CDK20: variants seen among roughly 807,000 people sequenced by gnomAD.
The protein encoded by CDK20 is cyclin dependent kinase 20.
Under a neutral mutation model 38.6 loss-of-function variants are expected in CDK20, and 40 were observed. The ratio of observed to expected loss-of-function variants is 1.04; its 90% CI spans 0.81 to 1.35. CDK20 has a LOEUF of 1.35. Ranked by LOEUF, CDK20 falls within the 40% of genes most tolerant of loss-of-function variation. The probability of loss-of-function intolerance (pLI) is 0.00; values close to 1 mark genes in which losing one functional copy is unlikely to be tolerated. For missense variants in CDK20, 512 were observed against 452.6 expected, an observed-to-expected ratio of 1.13 and a Z score of -1.19; for synonymous variants, 209 against 185.7, an observed-to-expected ratio of 1.13 and a Z score of -1.02.
chr9:87,970,357 A>G (rs1829760033), intron 5 of CDK20: 2 of 556,548 alleles, frequency 3.6e-6, no homozygotes, highest in East Asian at 2.9e-5. Flanking sequence ...TGGGACCACC[A>G]TTCTCATCCC....
intron 6 of CDK20, 91 bp downstream of exon 6, chr9:87,969,705 A>G (rs1829712586): frequency 1.9e-6 from 3 of 1,575,366 alleles, no homozygotes; most frequent in Non-Finnish European, 2.6e-6. Context: ...TGGGGCCAGG[A>G]GAGAGAAGGT....
At chr9:87,974,203 C>A in intron 1 of CDK20, 168 bp from the exon 2 acceptor site, 1 of 1,315,416 alleles carries the variant, frequency 7.6e-7, no homozygotes, top group South Asian at 1.4e-5. Flanking sequence ...GGTAGGGGAC[C>A]AAGCCAGCTG....
At chr9:87,972,615 C>T (rs185429700) in intron 2 of CDK20, among the ~76,000 whole-genome samples, 1 of 152,202 alleles carries the variant, frequency 6.6e-6, no homozygotes, top group Non-Finnish European at 1.5e-5. Flanking sequence ...ACTTAACTTA[C>T]ACTTTTGACA....
rs775836683 is a variant in CDK20, at chr9:87,973,973, G to A, written c.138C>T (p.Asn46=). ...GAGCCTTAATCTCCCGCAGGGCCTG[G>A]TTAGGGAAGCCGTCCTCCAACCGCC... is the stretch of plus-strand genomic sequence containing the variant. The part of the protein sequence containing the change: ...ALRRLEDGFP[N]QALREIKALQ... The change falls in exon 2 of 8, where the codon AAC becomes AAT. Residue 46 remains asparagine, a synonymous_variant. Coordinates refer to ENST00000325303, the MANE Select transcript of CDK20 (RefSeq NM_001039803.3). The A allele has an allele frequency of 8.1e-6, 13 of 1,614,158 alleles. No homozygotes were observed. The Admixed American group carries it at 2.0e-4, about 25-fold the overall frequency.
At chr9:87,967,836 C>T in intron 7 of CDK20, 177 bp from the exon 8 acceptor site, 1 of 563,580 alleles carries the variant, frequency 1.8e-6, no homozygotes, top group South Asian at 3.1e-5. Flanking sequence ...GTTAATAAAA[C>T]AGACAAAAGC....
Position 87,970,613 on chromosome 9 carries a change from T to G in CDK20, c.518A>C (p.Glu173Ala). 6.2e-7 allele frequency: 1 copy of G among 1,613,922 alleles called. No individual in the cohort carries two copies. The highest frequency in any genetic ancestry group is 1.1e-5 in the South Asian group (1 of 91,062). ...QVATRWYRAP[E>A]LLYGARQYDQ... ...ATACTGGCGGGCACCATACAGGAGCTCGGGGGCTCGGTACCACCTGCGAGG... is the reference window on the plus strand; with the variant it reads ...ATACTGGCGGGCACCATACAGGAGCGCGGGGGCTCGGTACCACCTGCGAGG... Residue 173 changes from glutamate to alanine, a missense_variant, in exon 5 of 8, where the codon GAG becomes GCG. By Grantham distance (107) the Glu-to-Ala change is moderately radical. Coordinates refer to ENST00000325303, the MANE Select transcript of CDK20 (RefSeq NM_001039803.3).
At chr9:87,971,985 C>T (rs1829893371) in intron 2 of CDK20, among the ~76,000 whole-genome samples, 1 of 152,208 alleles carries the variant, frequency 6.6e-6, no homozygotes, top group Non-Finnish European at 1.5e-5. Flanking sequence ...GGGCGGATGG[C>T]TTGAACCCAG....
In CDK20 at chr9:87,973,903, C is replaced by G. The variant is rs377436671; in HGVS notation, c.189+19G>C. Reference sequence around the variant, plus strand: ...AGCGACTGAGGGTGAGAATACCATGCCCCCCCTCCCCTACTCACATACTGA... The same window carrying G: ...AGCGACTGAGGGTGAGAATACCATGGCCCCCCTCCCCTACTCACATACTGA... On this transcript the variant is annotated intron_variant, in intron 2 of 7. Coordinates refer to ENST00000325303, the MANE Select transcript of CDK20 (RefSeq NM_001039803.3). 11 of 1,600,058 alleles carry G rather than the reference C, an allele frequency of 6.9e-6. No individual in the cohort carries two copies. Among genetic ancestry groups the G allele is most frequent in the Non-Finnish European group, 9.4e-6 (11 of 1,173,144 alleles).
intron 7 of CDK20, 83 bp from the exon 8 acceptor site, chr9:87,967,742 G>T: frequency 1.7e-6 from 2 of 1,203,630 alleles, no homozygotes; most frequent in South Asian, 3.3e-5. Flanking sequence ...CTTCATCTAT[G>T]CATTCAGCTG....
In CDK20 at chr9:87,971,152, G is replaced by A. The variant is rs1326708024; in HGVS notation, c.373C>T (p.His125Tyr). 2 of 1,613,740 alleles carry A rather than the reference G, an allele frequency of 1.2e-6. No individual in the cohort carries two copies. The highest frequency in any genetic ancestry group is 1.7e-6 in the Non-Finnish European group (2 of 1,179,804). Residue 125 changes from histidine to tyrosine, a missense_variant, in exon 3 of 8, where the codon CAT (histidine) becomes TAT (tyrosine). Physicochemically the swap from His to Tyr is moderately conservative, Grantham distance 83 (BLOSUM62 2). Coordinates refer to ENST00000325303, the MANE Select transcript of CDK20 (RefSeq NM_001039803.3). ...CGGCCTATGCTGAGACTGACCCGAT[G>A]TACAATGTTGTTGGCATGGCAGAAG... ...VAFCHANNIV[H>Y]RDLKPANLLI...
rs1481641936 is a variant in CDK20 at position 87,969,880 on chromosome 9, G to A, written c.603C>T (p.Ser201=). 6.2e-6 allele frequency: 10 copies of A among 1,600,866 alleles called. No individual in the cohort carries two copies. The South Asian group carries it at 6.8e-5, about 11-fold the overall frequency. The change falls in exon 6 of 8, where the codon TCC becomes TCT. Residue 201 remains serine, a synonymous_variant. Transcript: ENST00000325303. ...GCIMGELLNG[S]PLFPGKNDIE... is the part of the protein sequence containing the mutation. ...TATCGTTCTTGCCCGGGAAAAGGGG[G>A]GACCCATTCAACAGCTCCCCCATGA...
At position 87,969,301 on chromosome 9, in the gene CDK20, C is replaced by G; in HGVS notation, c.736G>C (p.Val246Leu). ...DYNKISFKEQ[V>L]PMPLEEVLPD... ...AGCACCTCCTCCAGGGGCATGGGCA[C>G]CTGCTCCTTAAAGGAGATCTTGTTG... The change falls in exon 7 of 8, where the codon GTG becomes CTG. Residue 246 changes from valine to leucine, a missense_variant. Physicochemically the swap from Val to Leu is conservative, Grantham distance 32. Transcript: ENST00000325303. The G allele has an allele frequency of 6.2e-7, 1 of 1,614,032 alleles. No homozygotes were observed. Among genetic ancestry groups the G allele is most frequent in the South Asian group, 1.1e-5 (1 of 91,086 alleles).
chr9:87,970,351 A>G, intron 5 of CDK20: 1 of 545,974 alleles, frequency 1.8e-6, no homozygotes, highest in South Asian at 2.9e-5. Context: ...CCCACCTGGG[A>G]CCACCATTCT....
Position 87,967,614 on chromosome 9 carries a change from G to A in CDK20, c.889C>T (p.Pro297Ser). 6.6e-7 allele frequency: 1 copy of A among 1,510,950 alleles called. No homozygotes were observed. The highest frequency in any genetic ancestry group is 8.9e-7 in the Non-Finnish European group (1 of 1,124,902). The allele number at this position is 1,510,950 out of a possible 1,614,324, so 93.6% of individuals were successfully genotyped here. ...CGCTGAGGAATCGGCAGCTCAGATG[G>A]ATGGGCAGGCAGGGGAGCTGTGAAG... ...YFFTAPLPAH[P>S]SELPIPQRLG... Residue 297 changes from proline to serine, a missense_variant, in exon 8 of 8, where the codon CCA becomes TCA. Transcript: ENST00000325303.
intron 2 of CDK20, 68 bp downstream of exon 2, chr9:87,973,854 T>C: frequency 2.0e-6 from 3 of 1,509,900 alleles, no homozygotes; most frequent in South Asian, 2.4e-5. Context: ...GCTGGGAAAA[T>C]GAAGGCACAA....
chr9:87,970,006 A>G (rs556253300), intron 5 of CDK20, 87 bp from the exon 6 acceptor site: 2 of 1,428,588 alleles, frequency 1.4e-6, no homozygotes, highest in Non-Finnish European at 1.9e-6. Flanking sequence ...ACTGCACTCC[A>G]GGGCAAGGCC....
chr9:87,970,563 C>G lies in CDK20; in HGVS notation c.563+5G>C, dbSNP rs759042973. The G allele has an allele frequency of 3.1e-6, 5 of 1,613,498 alleles. No homozygotes were observed. The African/African-American group carries it at 6.7e-5, about 22-fold the overall frequency. The stretch of plus-strand genomic sequence containing the variant: ...TTACCCTTTGACCACCCACAGGGGT[C>G]TCACCACAGATCGACGCCCTGGTCA... On this transcript the variant is annotated splice_donor_5th_base_variant and intron_variant, in intron 5 of 7. Coordinates refer to ENST00000325303, the MANE Select transcript of CDK20 (RefSeq NM_001039803.3).
intron 6 of CDK20, 41 bp from the exon 7 acceptor site, chr9:87,969,390 C>T: frequency 2.1e-5 from 34 of 1,601,682 alleles, no homozygotes; most frequent in Non-Finnish European, 2.8e-5. Flanking sequence ...GAGAGTAGTT[C>T]CCGACCCTTG....
intron 2 of CDK20, among the ~76,000 whole-genome samples, chr9:87,971,825 T>G (rs1829880086): frequency 6.6e-6 from 1 of 152,170 alleles, no homozygotes; most frequent in Non-Finnish European, 1.5e-5. Flanking sequence ...ACAGGACTCT[T>G]AATGAACTCA....
Sources: allele counts gnomAD v4.1 joint callset (sites outside exome capture counted in the v4.1 genomes callset), GRCh38; gene constraint gnomAD v4.1.1; transcripts MANE v1.5; gene names NCBI Gene and HGNC (gene_info 2026-07-23, HGNC 2026-07-21).